CHST8: variants seen among roughly 807,000 people sequenced by gnomAD.
The protein encoded by CHST8 is carbohydrate sulfotransferase 8, also known as GALNAC-4-ST1.
A neutral mutation model predicts 15.0 loss-of-function variants in CHST8; 10 were observed. The observed-to-expected ratio is 0.67, with a 90% CI of 0.41 to 1.13. The LOEUF (loss-of-function observed/expected upper bound fraction) is 1.13. Among genes scored for constraint, CHST8 ranks in the 50% most tolerant of loss-of-function variants. The probability of loss-of-function intolerance (pLI) is 0.00; values close to 1 mark genes in which losing one functional copy is unlikely to be tolerated. For missense variants in CHST8, 634 were observed against 608.2 expected (o/e 1.04, Z -0.45); for synonymous variants, 259 against 256.6 (o/e 1.01, Z -0.09).
intron 3 of CHST8, among the ~76,000 whole-genome samples, chr19:33,722,089 A>C (rs1184446965): frequency 6.7e-6 from 1 of 148,762 alleles, no homozygotes; most frequent in Non-Finnish European, 1.5e-5. Flanking sequence ...GGATGGATGG[A>C]TGGATGGATG....
intron 3 of CHST8, among the ~76,000 whole-genome samples, chr19:33,755,022 G>A (rs969686837): frequency 6.6e-6 from 1 of 152,186 alleles, no homozygotes; most frequent in African/African-American, 2.4e-5. Flanking sequence ...GCCCATCCTT[G>A]TGTCTCTCAC....
chr19:33,743,828 G>A (rs1332648790), intron 3 of CHST8, among the ~76,000 whole-genome samples: 2 of 145,478 alleles, frequency 1.4e-5, no homozygotes, highest in South Asian at 2.1e-4. Context: ...GTCTCACTCT[G>A]TCGACCAGGC....
At chr19:33,762,862 CTCT>C (rs1974765364) in intron 3 of CHST8, among the ~76,000 whole-genome samples, 1 of 84,430 alleles carries the variant, frequency 1.2e-5, no homozygotes, top group Admixed American at 1.2e-4. Flanking sequence ...TCAGTTTTCT[CTCT>C]TTTTTTTTTT....
At chr19:33,768,169 C>A (rs1175861652) in intron 3 of CHST8, among the ~76,000 whole-genome samples, 1 of 152,202 alleles carries the variant, frequency 6.6e-6, no homozygotes, top group Non-Finnish European at 1.5e-5. Context: ...TTGCTTCAGC[C>A]TTTATCTGAC....
At position 33,637,410 on chromosome 19, in the gene CHST8, T is replaced by TTTG. The variant is rs1451947022; in HGVS notation, c.-164+15116_-164+15117insGTT. Among the ~76,000 whole-genome samples the TTTG allele has an allele frequency of 2.0e-5, 3 of 151,164 alleles. No homozygotes were observed. The South Asian group carries it at 6.3e-4, about 32-fold the overall frequency. On this transcript the variant is annotated intron_variant, in intron 1 of 4. Transcript: ENST00000650847. ...CTAAAGAAAGGTTCGCTTTCTTTTT[T>TTTG]TTTTTTTTTTGAGACGGAGTCTCGC...
At chr19:33,683,014 A>G (rs1265048045) in intron 2 of CHST8, among the ~76,000 whole-genome samples, 3 of 152,216 alleles carry the variant, frequency 2.0e-5, no homozygotes, top group Admixed American at 6.5e-5. Flanking sequence ...TCACATGGCA[A>G]GAGAAACAGT....
intron 3 of CHST8, among the ~76,000 whole-genome samples, chr19:33,704,045 C>T (rs1184710641): frequency 1.3e-5 from 2 of 152,168 alleles, no homozygotes; most frequent in African/African-American, 4.8e-5. Flanking sequence ...ATCTTGCCCT[C>T]AGGCCTGGAT....
chr19:33,718,223 T>C (rs1973701137), intron 3 of CHST8, among the ~76,000 whole-genome samples: 1 of 125,734 alleles, frequency 8.0e-6, no homozygotes, highest in Admixed American at 8.4e-5. Flanking sequence ...TTTTTCTTTC[T>C]TTTTTTTTTT....
intron 1 of CHST8, among the ~76,000 whole-genome samples, chr19:33,665,380 G>A (rs73589058): frequency 0.056 from 8,532 of 152,252 alleles, 733 homozygotes; most frequent in African/African-American, 0.19. Context: ...CACTGTGGAA[G>A]TCACTCAATT....
intron 1 of CHST8, among the ~76,000 whole-genome samples, chr19:33,633,902 G>A (rs1972157785): frequency 6.7e-6 from 1 of 149,880 alleles, no homozygotes; most frequent in Admixed American, 6.7e-5. Context: ...ACGTTCAGGT[G>A]GTCCTCCTGC....
chr19:33,710,207 A>G (rs545740134), intron 3 of CHST8, among the ~76,000 whole-genome samples: 11 of 152,160 alleles, frequency 7.2e-5, no homozygotes, highest in Admixed American at 3.3e-4. Context: ...TGATGTTAGT[A>G]GTTTGTATTG....
chr19:33,678,497 T>C (rs889494005), intron 2 of CHST8, among the ~76,000 whole-genome samples: 1 of 152,182 alleles, frequency 6.6e-6, no homozygotes, highest in African/African-American at 2.4e-5. Flanking sequence ...AACCCAGTGC[T>C]TTGGGAGGCC....
intron 2 of CHST8, among the ~76,000 whole-genome samples, chr19:33,681,980 C>T (rs984278017): frequency 1.3e-5 from 2 of 151,752 alleles, no homozygotes; most frequent in African/African-American, 2.4e-5. Flanking sequence ...CTCAGCCTCC[C>T]GAGTAGCTGG....
chr19:33,672,848 C>T (rs1303185391), intron 2 of CHST8, among the ~76,000 whole-genome samples: 1 of 152,178 alleles, frequency 6.6e-6, no homozygotes, highest in Admixed American at 6.5e-5. Flanking sequence ...ATGACATTTT[C>T]TGAGCCGCCA....
At chr19:33,737,224 A>T (rs1372633770) in intron 3 of CHST8, among the ~76,000 whole-genome samples, 1 of 152,234 alleles carries the variant, frequency 6.6e-6, no homozygotes, top group Non-Finnish European at 1.5e-5. Context: ...CTGCGTATGG[A>T]ATAGCCACTT....
intron 2 of CHST8, among the ~76,000 whole-genome samples, chr19:33,687,907 A>G (rs1274265592): frequency 6.6e-6 from 1 of 152,038 alleles, no homozygotes; most frequent in Non-Finnish European, 1.5e-5. Flanking sequence ...AGCATATTTG[A>G]CCTGGGGCTT....
chr19:33,649,566 T>C (rs1292825478), intron 1 of CHST8, among the ~76,000 whole-genome samples: 1 of 152,144 alleles, frequency 6.6e-6, no homozygotes. Flanking sequence ...TGAACATTCA[T>C]GAGGGGGGTC....
chr19:33,696,283 A>G (rs1281949230), intron 3 of CHST8, among the ~76,000 whole-genome samples: 2 of 152,008 alleles, frequency 1.3e-5, no homozygotes, highest in Non-Finnish European at 2.9e-5. Context: ...GGATTCCTGG[A>G]TTGAATGGTA....
At position 33,689,292 on chromosome 19, in the gene CHST8, G is replaced by A. The variant is rs754261375; in HGVS notation, c.31G>A (p.Ala11Thr). 2 of 1,607,580 alleles carry A rather than the reference G, an allele frequency of 1.2e-6. No homozygotes were observed. Among genetic ancestry groups the A allele is most frequent in the Non-Finnish European group, 1.7e-6 (2 of 1,177,480 alleles). The change falls in exon 3 of 5, where the codon GCC becomes ACC. Residue 11 changes from alanine (A) to threonine (T), a missense_variant. Transcript: ENST00000650847. ...CCTGCGACCTGGAACAATGCGGCTG[G>A]CCTGCATGTTCTCTTCCATCCTGCT... The part of the protein sequence containing the change: MTLRPGTMRL[A>T]CMFSSILLFG...
Sources: allele counts gnomAD v4.1 joint callset (sites outside exome capture counted in the v4.1 genomes callset), GRCh38; gene constraint gnomAD v4.1.1; transcripts MANE v1.5; gene names NCBI Gene and HGNC (gene_info 2026-07-23, HGNC 2026-07-21).